Variants in NINL observed in about 807,000 individuals in gnomAD.
NINL encodes ninein-like protein.
Under a neutral mutation model 160.3 loss-of-function variants are expected in NINL, and 153 were observed. The observed-to-expected ratio is 0.95, with a 90% CI of 0.84 to 1.09. NINL has a LOEUF of 1.09. Among genes scored for constraint, NINL ranks in the 50% least tolerant of loss-of-function variants. The pLI is 0.00. For missense variants in NINL, 1,829 were observed against 1,764.0 expected (o/e 1.04, Z -0.66); for synonymous variants, 800 against 734.8 (o/e 1.09, Z -1.43).
chr20:25,525,469 T>C (rs937487596), intron 2 of NINL, among the ~76,000 whole-genome samples: 3 of 151,902 alleles, frequency 2.0e-5, no homozygotes, highest in Admixed American at 6.6e-5. Flanking sequence ...CTGGGTAACA[T>C]GGCAAAACCC....
intron 1 of NINL, among the ~76,000 whole-genome samples, chr20:25,545,900 C>T (rs2064725628): frequency 6.6e-6 from 1 of 152,162 alleles, no homozygotes; most frequent in Admixed American, 6.5e-5. Context: ...AATGGATTCT[C>T]TCTGAAGCCT....
At chr20:25,502,691 T>C (rs1033910801) in intron 7 of NINL, among the ~76,000 whole-genome samples, 6 of 152,106 alleles carry the variant, frequency 3.9e-5, no homozygotes, top group East Asian at 1.9e-4. Flanking sequence ...GACCTCATGA[T>C]AGTGAGTGAA....
At chr20:25,481,487 C>G (rs2063387287) in intron 14 of NINL, among the ~76,000 whole-genome samples, 1 of 152,102 alleles carries the variant, frequency 6.6e-6, no homozygotes, top group African/African-American at 2.4e-5. Flanking sequence ...AGCACAGGGG[C>G]AGTTGGCCAG....
intron 13 of NINL, among the ~76,000 whole-genome samples, chr20:25,483,376 T>C (rs1394841067): frequency 3.9e-5 from 6 of 152,054 alleles, no homozygotes; most frequent in Admixed American, 1.3e-4. Flanking sequence ...AAATGCAGAA[T>C]ACTGTCACCA....
In NINL at chr20:25,476,979, C is replaced by T. The variant is rs770180886; in HGVS notation, c.2312G>A (p.Arg771His). 1.7e-5 allele frequency: 28 copies of T among 1,606,188 alleles called. No individual in the cohort carries two copies. In the East Asian group the frequency reaches 5.6e-4, roughly 32 times the overall value. The change falls in exon 17 of 24, where the codon CGC (arginine) becomes CAC (histidine). Residue 771 changes from arginine (R) to histidine (H), a missense_variant. By Grantham distance (29) the Arg-to-His change is conservative. Coordinates refer to ENST00000278886, the MANE Select transcript of NINL (RefSeq NM_025176.6). ...CAGCTGCTCCGACCTCTGGCTCCCG[C>T]GTGGCAGGGGTCCCTGCGGCGGCTC... is the stretch of plus-strand genomic sequence containing the variant. ...LEEPPQGPLP[R>H]GSQRSEQLEL...
chr20:25,489,834 G>A, intron 12 of NINL, 41 bp downstream of exon 12: 2 of 1,575,454 alleles, frequency 1.3e-6, no homozygotes, highest in Non-Finnish European at 8.7e-7. Flanking sequence ...TGCCCAGCAG[G>A]CCCTCCCCTC....
chr20:25,478,599 A>G lies in NINL; in HGVS notation c.2201+324T>C, dbSNP rs112283318. 5.6e-3 allele frequency among the ~76,000 whole-genome samples: 859 copies of G among 152,092 alleles called. 7 individuals are homozygous for G. The highest frequency in any genetic ancestry group is 9.6e-3 in the Non-Finnish European group (651 of 67,990). On this transcript the variant is annotated intron_variant, in intron 16 of 23. Transcript: ENST00000278886. ...GCCTTTCTCCATCTCCCCACATGCT[A>G]CCCTGCCTGGCCCTGGAGAAGCGGG...
At chr20:25,558,272 A>C (rs1379848760) in intron 1 of NINL, among the ~76,000 whole-genome samples, 1 of 152,150 alleles carries the variant, frequency 6.6e-6, no homozygotes, top group Admixed American at 6.5e-5. Flanking sequence ...CAGTGTTGTG[A>C]TCTCAGCTCA....
chr20:25,483,116 C>T (rs1165360463), intron 13 of NINL, among the ~76,000 whole-genome samples: 3 of 151,202 alleles, frequency 2.0e-5, no homozygotes, highest in African/African-American at 7.4e-5. Context: ...GGGCAGATCA[C>T]GAGGTCAAGA....
rs776042146 is a variant in NINL, at chr20:25,476,980, G to A, written c.2311C>T (p.Arg771Cys). ...LEEPPQGPLP[R>C]GSQRSEQLEL... Reference sequence around the variant, plus strand: ...AGCTGCTCCGACCTCTGGCTCCCGCGTGGCAGGGGTCCCTGCGGCGGCTCC... The same window carrying A: ...AGCTGCTCCGACCTCTGGCTCCCGCATGGCAGGGGTCCCTGCGGCGGCTCC... The change falls in exon 17 of 24, where the codon CGC becomes TGC. Residue 771 changes from arginine to cysteine, a missense_variant. Physicochemically the swap from Arg to Cys is radical, Grantham distance 180. Transcript: ENST00000278886. 3.1e-5 allele frequency: 50 copies of A among 1,605,708 alleles called. No homozygotes were observed. The highest frequency in any genetic ancestry group is 3.9e-5 in the Non-Finnish European group (46 of 1,179,786).
Position 25,476,673 on chromosome 20 carries a change from G to A in NINL, c.2618C>T (p.Ala873Val). 6.3e-7 allele frequency: 1 copy of A among 1,588,700 alleles called. No homozygotes were observed. The highest frequency in any genetic ancestry group is 8.5e-7 in the Non-Finnish European group (1 of 1,173,248). Residue 873 changes from alanine (A) to valine (V), a missense_variant, in exon 17 of 24, where the codon GCA becomes GTA. Transcript: ENST00000278886. ...PGDGRESEEA[A>V]GAGPRRRQAQ... is the part of the protein sequence containing the mutation. The stretch of plus-strand genomic sequence containing the variant: ...TTGCCTGCGGCGAGGCCCGGCTCCT[G>A]CCGCCTCCTCAGACTCTCTGCCATC...
At chr20:25,466,724 T>G (rs960700583) in intron 19 of NINL, among the ~76,000 whole-genome samples, 1 of 152,090 alleles carries the variant, frequency 6.6e-6, no homozygotes, top group African/African-American at 2.4e-5. Flanking sequence ...TGCTTGAACC[T>G]GGGAGGTGGA....
At chr20:25,507,376 C>T (rs1471030090) in intron 5 of NINL, among the ~76,000 whole-genome samples, 4 of 152,054 alleles carry the variant, frequency 2.6e-5, no homozygotes, top group East Asian at 3.9e-4. Flanking sequence ...TGTCTTCAGC[C>T]GCTTATCTTC....
chr20:25,559,649 G>A (rs2064909405), intron 1 of NINL, among the ~76,000 whole-genome samples: 1 of 152,162 alleles, frequency 6.6e-6, no homozygotes, highest in African/African-American at 2.4e-5. Context: ...CATCCAGGCT[G>A]GAGTGCAATG....
intron 1 of NINL, among the ~76,000 whole-genome samples, chr20:25,546,516 A>G (rs374881638): frequency 1.3e-4 from 20 of 152,284 alleles, no homozygotes; most frequent in African/African-American, 4.8e-4. Context: ...TTGACTATAT[A>G]AAAGTCACAA....
chr20:25,555,777 C>T (rs758639504), intron 1 of NINL, among the ~76,000 whole-genome samples: 11 of 152,148 alleles, frequency 7.2e-5, no homozygotes, highest in Admixed American at 2.0e-4. Context: ...CGGGTTCAAG[C>T]GATTCTCGTG....
rs2063765444 is a variant in NINL, at chr20:25,496,815, A to C, written c.1170-12T>G. 6.2e-7 allele frequency: 1 copy of C among 1,613,184 alleles called. No individual in the cohort carries two copies. Among genetic ancestry groups the C allele is most frequent in the Admixed American group, 1.7e-5 (1 of 59,958 alleles). ...GCTCCACCTGCCCTCTGCCACAGGA[A>C]GGAGACAGGGTCAGATGGGACCCCA... On this transcript the variant is annotated splice_polypyrimidine_tract_variant and intron_variant, in intron 9 of 23. Coordinates refer to ENST00000278886, the MANE Select transcript of NINL (RefSeq NM_025176.6).
intron 16 of NINL, among the ~76,000 whole-genome samples, chr20:25,478,638 T>C (rs975020716): frequency 1.8e-4 from 27 of 152,296 alleles, no homozygotes; most frequent in African/African-American, 6.3e-4. Context: ...CTCTGAGCGA[T>C]GGAGGCAATG....
intron 14 of NINL, chr20:25,481,715 C>T: frequency 1.9e-6 from 1 of 527,846 alleles, no homozygotes; most frequent in Admixed American, 3.5e-5. Context: ...GATGTGGGAA[C>T]AGCCTGGGCC....
Sources: gnomAD v4.1 joint callset for allele counts (sites outside exome capture counted in the v4.1 genomes callset) on GRCh38, gnomAD v4.1.1 for gene constraint, MANE v1.5 for transcripts, NCBI Gene and HGNC (gene_info 2026-07-23, HGNC 2026-07-21) for gene names.